Variants in NSUN3 observed in about 807,000 individuals in gnomAD.
NSUN3 encodes NOP2/Sun RNA methyltransferase 3.
Under a neutral mutation model 36.8 loss-of-function variants are expected in NSUN3, and 24 were observed. The ratio of observed to expected loss-of-function variants is 0.65; its 90% CI spans 0.47 to 0.92. NSUN3 has a LOEUF of 0.92. Among genes scored for constraint, NSUN3 ranks in the 40% least tolerant of loss-of-function variants. NSUN3 has a pLI of 0.00. For missense variants in NSUN3, 381 were observed against 392.8 expected, an observed-to-expected ratio of 0.97 and a Z score of 0.25; for synonymous variants, 146 against 145.2, an observed-to-expected ratio of 1.01 and a Z score of -0.04.
At chr3:94,093,228 G>A (rs1315591888) in intron 3 of NSUN3, among the ~76,000 whole-genome samples, 3 of 151,228 alleles carry the variant, frequency 2.0e-5, no homozygotes, top group African/African-American at 7.3e-5. Flanking sequence ...TTTTAACAGT[G>A]GAATGACAAT....
chr3:94,076,504 C>T, intron 2 of NSUN3: 1 of 786,848 alleles, frequency 1.3e-6, no homozygotes. Context: ...CTACTGTATG[C>T]CCTGTAAAGA....
At chr3:94,112,359 C>T (rs1475856702) in intron 5 of NSUN3, among the ~76,000 whole-genome samples, 1 of 152,190 alleles carries the variant, frequency 6.6e-6, no homozygotes, top group Non-Finnish European at 1.5e-5. Flanking sequence ...TTTATTAAGG[C>T]AGTTCTTCAC....
chr3:94,099,718 T>C (rs2077357170), intron 5 of NSUN3, among the ~76,000 whole-genome samples: 1 of 151,238 alleles, frequency 6.6e-6, no homozygotes. Context: ...CATCTACAAG[T>C]CTTGGGGTTA....
rs1183187957 is a variant in NSUN3 at position 94,130,502 on chromosome 3, T to C, written c.*4012T>C. On this transcript the variant is annotated 3_prime_UTR_variant, in exon 6 of 6. Transcript: ENST00000314622. ...GAAATTGTATGCTCTCTAGCAACTT[T>C]GCGTGAATTTTTATACAAACACTTA... 6.6e-6 allele frequency among the ~76,000 whole-genome samples: 1 copy of C among 152,232 alleles called. No homozygotes were observed. Among genetic ancestry groups the C allele is most frequent in the Non-Finnish European group, 1.5e-5 (1 of 68,034 alleles).
At chr3:94,113,957 A>C (rs1287156300) in intron 5 of NSUN3, among the ~76,000 whole-genome samples, 1 of 152,184 alleles carries the variant, frequency 6.6e-6, no homozygotes, top group Non-Finnish European at 1.5e-5. Flanking sequence ...TCTCAGTGTG[A>C]AGTATGTGCT....
intron 1 of NSUN3, 133 bp downstream of exon 1, chr3:94,063,271 T>C (rs941421243): frequency 1.1e-6 from 1 of 909,850 alleles, no homozygotes; most frequent in Non-Finnish European, 1.8e-6. Context: ...AGCGTTTCTT[T>C]GGCTTTACTG....
intron 3 of NSUN3, among the ~76,000 whole-genome samples, chr3:94,088,641 G>A (rs1050676850): frequency 9.4e-5 from 14 of 148,718 alleles, no homozygotes; most frequent in South Asian, 2.1e-4. Flanking sequence ...AGCATCCTCC[G>A]TTAGTGTCCT....
intron 5 of NSUN3, among the ~76,000 whole-genome samples, chr3:94,117,608 A>G (rs2077445896): frequency 6.6e-6 from 1 of 152,216 alleles, no homozygotes; most frequent in Non-Finnish European, 1.5e-5. Flanking sequence ...TATACCTGAT[A>G]TCTGCCATAT....
At chr3:94,111,586 TTTGTTGTTG>T (rs961212132) in intron 5 of NSUN3, among the ~76,000 whole-genome samples, 2 of 152,140 alleles carry the variant, frequency 1.3e-5, no homozygotes, top group Non-Finnish European at 2.9e-5. Flanking sequence ...AATTTAATTT[TTTGTTGTTG>T]TTGTTGTTAA....
intron 5 of NSUN3, among the ~76,000 whole-genome samples, chr3:94,120,646 G>A (rs994776609): frequency 6.6e-6 from 1 of 152,072 alleles, no homozygotes; most frequent in African/African-American, 2.4e-5. Flanking sequence ...CTATGTATCT[G>A]TCTACACATT....
chr3:94,126,174 C>T, intron 5 of NSUN3, 37 bp from the exon 6 acceptor site: 1 of 1,563,874 alleles, frequency 6.4e-7, no homozygotes, highest in Non-Finnish European at 8.7e-7. Flanking sequence ...TTTTAATATA[C>T]TTAACTAATC....
At chr3:94,069,792 A>G (rs568971406) in intron 2 of NSUN3, among the ~76,000 whole-genome samples, 114 of 152,318 alleles carry the variant, frequency 7.5e-4, no homozygotes, top group African/African-American at 2.7e-3. Context: ...CATTTACTCC[A>G]GGATTTAGGC....
At chr3:94,083,616 C>T (rs999438405) in intron 2 of NSUN3, among the ~76,000 whole-genome samples, 5 of 152,100 alleles carry the variant, frequency 3.3e-5, no homozygotes, top group Non-Finnish European at 7.4e-5. Context: ...TCTATGCAAG[C>T]GTGTGATTGG....
At chr3:94,092,789 G>A (rs1465837291) in intron 3 of NSUN3, among the ~76,000 whole-genome samples, 2 of 151,516 alleles carry the variant, frequency 1.3e-5, no homozygotes, top group African/African-American at 4.8e-5. Context: ...ACGTGGTGAC[G>A]CACACCTGTA....
chr3:94,078,892 G>C (rs1381855234), intron 2 of NSUN3, among the ~76,000 whole-genome samples: 1 of 152,034 alleles, frequency 6.6e-6, no homozygotes, highest in African/African-American at 2.4e-5. Flanking sequence ...TATCCAATTT[G>C]CCAGTCTGTG....
At chr3:94,110,174 C>G (rs150998290) in intron 5 of NSUN3, among the ~76,000 whole-genome samples, 60 of 152,134 alleles carry the variant, frequency 3.9e-4, no homozygotes, top group African/African-American at 1.4e-3. Context: ...AGGCTTGAGG[C>G]CACTGTATTA....
At chr3:94,121,495 G>C (rs1044777818) in intron 5 of NSUN3, among the ~76,000 whole-genome samples, 3 of 152,150 alleles carry the variant, frequency 2.0e-5, no homozygotes, top group African/African-American at 7.2e-5. Context: ...TGGGGATTAG[G>C]ATGTGGACAT....
chr3:94,122,557 C>A lies in NSUN3; in HGVS notation c.744-3654C>A, dbSNP rs138134580. ...ATCTCACACTGTACTCAGTTTCTCT[C>A]TGTCGGCTCTGAAACTTAGTACCAT... On this transcript the variant is annotated intron_variant, in intron 5 of 5. Transcript: ENST00000314622. Among the ~76,000 whole-genome samples, 157 of 152,324 alleles carry A rather than the reference C, an allele frequency of 1.0e-3. 2 individuals carry two copies. Among genetic ancestry groups the A allele is most frequent in the Middle Eastern group, 3.4e-3 (1 of 294 alleles).
At position 94,130,561 on chromosome 3, in the gene NSUN3, A is replaced by T. The variant is rs1326349134; in HGVS notation, c.*4071A>T. Among the ~76,000 whole-genome samples, 2 of 152,230 alleles carry T rather than the reference A, an allele frequency of 1.3e-5. No individual in the cohort carries two copies. Among genetic ancestry groups the T allele is most frequent in the Middle Eastern group, 3.2e-3 (1 of 316 alleles). Reference sequence around the variant, plus strand: ...ATAAAATGTTCTAAAACTAGAAAAAACATGGTCTTGTAACATGTTATTTTC... The same window carrying T: ...ATAAAATGTTCTAAAACTAGAAAAATCATGGTCTTGTAACATGTTATTTTC... On this transcript the variant is annotated 3_prime_UTR_variant, in exon 6 of 6. Coordinates refer to ENST00000314622, the MANE Select transcript of NSUN3 (RefSeq NM_022072.5).
Sources: allele counts gnomAD v4.1 joint callset (sites outside exome capture counted in the v4.1 genomes callset), GRCh38; gene constraint gnomAD v4.1.1; transcripts MANE v1.5; gene names NCBI Gene and HGNC (gene_info 2026-07-23, HGNC 2026-07-21).